Variants in RIN2 observed in about 807,000 individuals in gnomAD.
RIN2 encodes the protein Ras and Rab interactor 2, also known as RAB5 interacting protein 2.
Under a neutral mutation model 78.0 loss-of-function variants are expected in RIN2, and 36 were observed. The ratio of observed to expected loss-of-function variants is 0.46; its 90% CI spans 0.35 to 0.61. The LOEUF is 0.61. RIN2 is among the 20% of genes least tolerant of loss of function. The pLI, the probability that RIN2 is intolerant of heterozygous loss-of-function variation, is 0.00. For synonymous variants in RIN2, 466 were observed against 466.8 expected (o/e 1.00, Z 0.02); for missense variants, 1,087 against 1,159.7 (o/e 0.94, Z 0.91).
chr20:19,833,946 C>T (rs914852146), intron 2 of RIN2, among the ~76,000 whole-genome samples: 15 of 152,130 alleles, frequency 9.9e-5, no homozygotes, highest in Admixed American at 6.5e-4. Flanking sequence ...TGCTTGTCCC[C>T]GTCCCCTTCT....
At chr20:19,760,961 C>T (rs1426779639) in intron 1 of RIN2, among the ~76,000 whole-genome samples, 1 of 152,114 alleles carries the variant, frequency 6.6e-6, no homozygotes. Flanking sequence ...TCCCAGGGTC[C>T]AAAACCAGGC....
At chr20:19,919,025 G>A (rs538537391) in intron 3 of RIN2, among the ~76,000 whole-genome samples, 3 of 152,324 alleles carry the variant, frequency 2.0e-5, no homozygotes, top group Non-Finnish European at 2.9e-5. Context: ...GGAAGGCCCC[G>A]CAGTGAATTG....
intron 2 of RIN2, among the ~76,000 whole-genome samples, chr20:19,850,661 T>C (rs1199022026): frequency 1.3e-5 from 2 of 152,170 alleles, no homozygotes; most frequent in Non-Finnish European, 1.5e-5. Flanking sequence ...GGATGCACAT[T>C]GTGGTTAGAA....
chr20:19,916,831 G>A (rs967295075), intron 3 of RIN2, among the ~76,000 whole-genome samples: 4 of 152,054 alleles, frequency 2.6e-5, no homozygotes, highest in African/African-American at 9.7e-5. Flanking sequence ...TATTGAAATC[G>A]TGCCTGTTCA....
chr20:19,764,918 G>GGTTTTTTTTTT (rs2033804608), intron 1 of RIN2, among the ~76,000 whole-genome samples: 26 of 50,388 alleles, frequency 5.2e-4, no homozygotes, highest in Non-Finnish European at 9.1e-4. Context: ...CACTTTCTGC[G>GGTTTTTTTTTT]TTTTTTTTTT....
chr20:19,835,087 GAAAA>G (rs2036376492), intron 2 of RIN2, among the ~76,000 whole-genome samples: 2 of 70,958 alleles, frequency 2.8e-5, no homozygotes, highest in African/African-American at 4.3e-5. Flanking sequence ...GAAAGAAAGA[GAAAA>G]AGAAAGAAGA....
intron 2 of RIN2, among the ~76,000 whole-genome samples, chr20:19,801,530 C>T (rs1481556714): frequency 6.6e-6 from 1 of 151,964 alleles, no homozygotes; most frequent in Non-Finnish European, 1.5e-5. Context: ...ACTATGTTAG[C>T]CAGCATGGTC....
At chr20:19,919,024 C>G (rs970043928) in intron 3 of RIN2, among the ~76,000 whole-genome samples, 5 of 152,186 alleles carry the variant, frequency 3.3e-5, no homozygotes, top group African/African-American at 7.2e-5. Flanking sequence ...TGGAAGGCCC[C>G]GCAGTGAATT....
At chr20:19,817,804 C>T (rs1200478136) in intron 2 of RIN2, among the ~76,000 whole-genome samples, 1 of 152,236 alleles carries the variant, frequency 6.6e-6, no homozygotes, top group Non-Finnish European at 1.5e-5. Flanking sequence ...TTCAAAAGCT[C>T]TCAGTTCAGC....
At chr20:19,955,196 G>A (rs1407346838) in intron 4 of RIN2, among the ~76,000 whole-genome samples, 1 of 152,132 alleles carries the variant, frequency 6.6e-6, no homozygotes, top group Middle Eastern at 3.4e-3. Flanking sequence ...CATGTAAATC[G>A]AGTCATTCAG....
At chr20:19,864,815 T>C (rs866842261) in intron 2 of RIN2, among the ~76,000 whole-genome samples, 2 of 152,224 alleles carry the variant, frequency 1.3e-5, no homozygotes, top group Admixed American at 6.5e-5. Context: ...ACCATCATCT[T>C]TGGAGTTGTT....
intron 2 of RIN2, among the ~76,000 whole-genome samples, chr20:19,879,782 G>C (rs1335753005): frequency 1.3e-5 from 2 of 151,732 alleles, no homozygotes; most frequent in Non-Finnish European, 2.9e-5. Flanking sequence ...TGAAAGGGCT[G>C]AGAAACATGA....
chr20:19,794,557 G>C lies in RIN2; in HGVS notation c.-162-5065G>C, dbSNP rs956206279. Among the ~76,000 whole-genome samples, 252 of 115,942 alleles carry C rather than the reference G, an allele frequency of 2.2e-3. 2 individuals are homozygous for C. Among genetic ancestry groups the C allele is most frequent in the African/African-American group, 7.3e-3 (238 of 32,482 alleles). The allele number at this position is 115,942 out of a possible 152,430, so 76.1% of individuals were successfully genotyped here. A position where few individuals can be genotyped will look rare whatever the true frequency, so the allele number is the denominator to read the frequency against. ...CAAAAAAAAAAAAAAAAAAAAAAAA[G>C]ATACAGTGATACTAGGTAATGATGA... On this transcript the variant is annotated intron_variant, in intron 1 of 12. Transcript: ENST00000255006.
Position 19,990,072 on chromosome 20 carries a change from T to A in RIN2, c.1829T>A (p.Met610Lys), listed in dbSNP as rs189636981. 6.3e-7 allele frequency: 1 copy of A among 1,599,110 alleles called. No homozygotes were observed. The change falls in exon 10 of 13, where the codon ATG becomes AAG. Residue 610 changes from methionine to lysine, a missense_variant. Met to Lys is a moderately conservative substitution (Grantham distance 95). Transcript: ENST00000255006. Reference sequence around the variant, plus strand: ...CCCCTCAAGGGGCACGTGGAGGCCATGCTGAAGGACTTTCACATGGCCGAT... The same window carrying A: ...CCCCTCAAGGGGCACGTGGAGGCCAAGCTGAAGGACTTTCACATGGCCGAT... ...LKPLKGHVEA[M>K]LKDFHMADGS...
intron 2 of RIN2, among the ~76,000 whole-genome samples, chr20:19,828,482 C>T (rs1454675568): frequency 6.6e-6 from 1 of 152,160 alleles, no homozygotes; most frequent in East Asian, 1.9e-4. Flanking sequence ...TGCCACCTGT[C>T]TTTCTGCCTG....
chr20:19,961,626 G>A (rs1461316641), intron 6 of RIN2, among the ~76,000 whole-genome samples: 2 of 152,130 alleles, frequency 1.3e-5, no homozygotes, highest in Middle Eastern at 3.2e-3. Context: ...TGAAGGTGTA[G>A]ATGAAGGTCA....
chr20:19,877,586 G>C (rs977808166), intron 2 of RIN2, among the ~76,000 whole-genome samples: 2 of 152,182 alleles, frequency 1.3e-5, no homozygotes, highest in Admixed American at 1.3e-4. Context: ...GAGCTAGAGA[G>C]AAATTAGGTT....
At chr20:19,938,145 C>T (rs2040722809) in intron 4 of RIN2, among the ~76,000 whole-genome samples, 1 of 152,216 alleles carries the variant, frequency 6.6e-6, no homozygotes, top group African/African-American at 2.4e-5. Context: ...TCTTCTTTAT[C>T]TCCCTGAACT....
At chr20:19,769,491 G>A (rs2034031571) in intron 1 of RIN2, among the ~76,000 whole-genome samples, 1 of 152,236 alleles carries the variant, frequency 6.6e-6, no homozygotes, top group Non-Finnish European at 1.5e-5. Context: ...CTGTGCCGTA[G>A]TCATCATCAT....
Sources: gnomAD v4.1 joint callset for allele counts (sites outside exome capture counted in the v4.1 genomes callset) on GRCh38, gnomAD v4.1.1 for gene constraint, MANE v1.5 for transcripts, NCBI Gene and HGNC (gene_info 2026-07-23, HGNC 2026-07-21) for gene names.